MUSK: variants seen among roughly 807,000 people sequenced by gnomAD.
MUSK encodes the protein muscle, skeletal receptor tyrosine-protein kinase.
A neutral mutation model predicts 88.7 loss-of-function variants in MUSK; 55 were observed. That is an observed-to-expected ratio of 0.62 (90% CI 0.50 to 0.78). MUSK has a LOEUF of 0.78. Ranked by LOEUF, MUSK falls within the 30% of genes least tolerant of loss-of-function variation. The probability of loss-of-function intolerance (pLI) is 0.00; values close to 1 mark genes in which losing one functional copy is unlikely to be tolerated. For missense variants in MUSK, 1,015 were observed against 1,074.3 expected, an observed-to-expected ratio of 0.94 and a Z score of 0.77; for synonymous variants, 387 against 391.9, an observed-to-expected ratio of 0.99 and a Z score of 0.15.
At chr9:110,752,082 C>A (rs1370829206) in intron 7 of MUSK, among the ~76,000 whole-genome samples, 1 of 152,156 alleles carries the variant, frequency 6.6e-6, no homozygotes, top group Non-Finnish European at 1.5e-5. Flanking sequence ...GGACTTGACA[C>A]TCCTCGACTT....
Position 110,775,975 on chromosome 9 carries a change from T to C in MUSK, c.1360+12T>C. 1.3e-6 allele frequency: 2 copies of C among 1,599,678 alleles called. No homozygotes were observed. The highest frequency in any genetic ancestry group is 1.1e-5 in the South Asian group (1 of 88,954). ...ACTGCCACATCTAGGTAACACAGAG[T>C]TCTCCCAAGACTTTGGAGGTTAAGA... On this transcript the variant is annotated intron_variant, in intron 10 of 14. Transcript: ENST00000374448.
At chr9:110,692,556 G>A (rs980258416) in intron 3 of MUSK, among the ~76,000 whole-genome samples, 2 of 151,384 alleles carry the variant, frequency 1.3e-5, no homozygotes, top group African/African-American at 4.9e-5. Context: ...CTTTCTCTAT[G>A]ACTTCAAATT....
intron 1 of MUSK, among the ~76,000 whole-genome samples, chr9:110,676,319 G>A (rs1162684189): frequency 3.8e-5 from 3 of 78,576 alleles, no homozygotes; most frequent in Non-Finnish European, 5.6e-5. Flanking sequence ...GTGTATATAT[G>A]TTGTATATAT....
At chr9:110,743,711 A>G (rs2077132756) in intron 6 of MUSK, among the ~76,000 whole-genome samples, 1 of 152,218 alleles carries the variant, frequency 6.6e-6, no homozygotes, top group South Asian at 2.1e-4. Flanking sequence ...AAGAGGCAGT[A>G]GTTTTGCTTT....
intron 7 of MUSK, among the ~76,000 whole-genome samples, chr9:110,755,955 TATATATATACATATATATATATAC>T (rs1377681804): frequency 1.7e-4 from 15 of 89,976 alleles, no homozygotes; most frequent in African/African-American, 5.5e-4. Context: ...TATATACACA[TATATATATACATATATATATATAC>T]ATATATATAT....
chr9:110,761,637 G>A (rs1239909857), intron 7 of MUSK, among the ~76,000 whole-genome samples: 3 of 131,638 alleles, frequency 2.3e-5, no homozygotes, highest in Admixed American at 8.7e-5. Context: ...GCACTGGCGC[G>A]ATCTTGGTTC....
rs2078075340 is a variant in MUSK, at chr9:110,800,471, C to T, written c.2093C>T (p.Ser698Phe). 6.2e-7 allele frequency: 1 copy of T among 1,613,810 alleles called. No homozygotes were observed. The change falls in exon 15 of 15, where the codon TCC becomes TTC. Residue 698 changes from serine to phenylalanine, a missense_variant. Physicochemically the swap from Ser to Phe is radical, Grantham distance 155 (BLOSUM62 -2). Transcript: ENST00000374448. ...QVSSPGPPPL[S>F]CAEQLCIARQ... ...TCCAGCCCTGGGCCCCCACCCCTCT[C>T]CTGTGCTGAGCAGCTTTGCATTGCC...
chr9:110,790,477 T>C (rs2077954668), intron 14 of MUSK, among the ~76,000 whole-genome samples: 1 of 152,198 alleles, frequency 6.6e-6, no homozygotes, highest in Non-Finnish European at 1.5e-5. Flanking sequence ...GATGACAGGG[T>C]TGGCAAATAG....
chr9:110,704,648 G>A (rs2076572801), intron 5 of MUSK, among the ~76,000 whole-genome samples: 2 of 152,104 alleles, frequency 1.3e-5, no homozygotes, highest in African/African-American at 2.4e-5. Flanking sequence ...ATATATTAGA[G>A]TACATGTATA....
Position 110,784,971 on chromosome 9 carries a change from C to T in MUSK, c.1541C>T (p.Thr514Ile), listed in dbSNP as rs1467052958. 1.9e-6 allele frequency: 3 copies of T among 1,613,708 alleles called. No homozygotes were observed. The highest frequency in any genetic ancestry group is 2.5e-6 in the Non-Finnish European group (3 of 1,179,820). ...FAIFVLLTITTLYCCRRRKQW... is the reference protein window; with the variant it reads ...FAIFVLLTITILYCCRRRKQW... ...ATATTTGTGCTTCTTACCATAACTA[C>T]TCTCTATTGCTGCCGAAGAAGAAAA... The change falls in exon 12 of 15, where the codon ACT (threonine) becomes ATT (isoleucine). Residue 514 changes from threonine (T) to isoleucine (I), a missense_variant. Physicochemically the swap from Thr to Ile is moderately conservative, Grantham distance 89. Coordinates refer to ENST00000374448, the MANE Select transcript of MUSK (RefSeq NM_005592.4).
In MUSK at chr9:110,800,885, G is replaced by A. The variant is rs371689428; in HGVS notation, c.2507G>A (p.Arg836His). Reference sequence around the variant, plus strand: ...CCCGTGGAGCTGTACAATCTCATGCGTCTATGTTGGAGCAAGCTGCCTGCA... The same window carrying A: ...CCCGTGGAGCTGTACAATCTCATGCATCTATGTTGGAGCAAGCTGCCTGCA... ...NCPVELYNLM[R>H]LCWSKLPADR... Residue 836 changes from arginine to histidine, a missense_variant, in exon 15 of 15, where the codon CGT becomes CAT. Transcript: ENST00000374448. 9.6e-6 allele frequency: 15 copies of A among 1,570,398 alleles called. No homozygotes were observed. The highest frequency in any genetic ancestry group is 4.1e-5 in the African/African-American group (3 of 73,812).
chr9:110,690,051 A>G (rs1315977967), intron 3 of MUSK, among the ~76,000 whole-genome samples: 1 of 95,574 alleles, frequency 1.0e-5, no homozygotes, highest in African/African-American at 4.3e-5. Flanking sequence ...GTATAAATAT[A>G]TAAATATATA....
chr9:110,798,697 T>A (rs2078049363), intron 14 of MUSK, among the ~76,000 whole-genome samples: 1 of 152,168 alleles, frequency 6.6e-6, no homozygotes, highest in Non-Finnish European at 1.5e-5. Context: ...TAAAATACAG[T>A]CTTCCTCTCA....
At chr9:110,740,795 G>A (rs2077087137) in intron 6 of MUSK, among the ~76,000 whole-genome samples, 1 of 152,178 alleles carries the variant, frequency 6.6e-6, no homozygotes, top group South Asian at 2.1e-4. Context: ...GCATTCGGAA[G>A]ACTGGGAGTG....
In MUSK at chr9:110,800,709, C is replaced by T. The variant is rs56394142; in HGVS notation, c.2331C>T (p.Asn777=). Residue 777 remains asparagine (N), a synonymous_variant, in exon 15 of 15, where the codon AAC becomes AAT. Transcript: ENST00000374448. Reference sequence around the variant, plus strand: ...TGCCACCAGAGTCCATTTTTTATAACCGCTACACTACAGAGTCTGATGTGT... The same window carrying T: ...TGCCACCAGAGTCCATTTTTTATAATCGCTACACTACAGAGTCTGATGTGT... ...RWMPPESIFY[N]RYTTESDVWA... 442 of 1,613,936 alleles carry T rather than the reference C, an allele frequency of 2.7e-4. 2 individuals carry two copies. In the East Asian group the frequency reaches 6.4e-3, roughly 23 times the overall value.
chr9:110,681,553 G>A (rs575416325), intron 1 of MUSK, among the ~76,000 whole-genome samples: 35 of 152,114 alleles, frequency 2.3e-4, no homozygotes, highest in Non-Finnish European at 3.8e-4. Context: ...ATAAGGTTAA[G>A]GAAAGAGGCA....
chr9:110,783,536 C>A (rs2077799843), intron 11 of MUSK, among the ~76,000 whole-genome samples: 1 of 151,898 alleles, frequency 6.6e-6, no homozygotes, highest in Admixed American at 6.6e-5. Flanking sequence ...TCTGTTATAA[C>A]TTTTTTATCA....
At chr9:110,756,960 G>A (rs2077333579) in intron 7 of MUSK, among the ~76,000 whole-genome samples, 1 of 151,976 alleles carries the variant, frequency 6.6e-6, no homozygotes, top group Non-Finnish European at 1.5e-5. Context: ...CCAACTACTG[G>A]TGGAAAAAAT....
intron 14 of MUSK, among the ~76,000 whole-genome samples, chr9:110,797,277 TAAAA>T (rs1004005554): frequency 4.1e-5 from 5 of 120,764 alleles, no homozygotes; most frequent in African/African-American, 1.2e-4. Context: ...AATTCACAAA[TAAAA>T]AACAAACAAA....
Sources: gnomAD v4.1 joint callset for allele counts (sites outside exome capture counted in the v4.1 genomes callset) on GRCh38, gnomAD v4.1.1 for gene constraint, MANE v1.5 for transcripts, NCBI Gene and HGNC (gene_info 2026-07-23, HGNC 2026-07-21) for gene names.